The following LPA variants were observed in gnomAD, a reference collection of about 807,000 sequenced individuals.
LPA encodes the protein lipoprotein(a).
A neutral mutation model predicts 197.9 loss-of-function variants in LPA; 199 were observed. The ratio of observed to expected loss-of-function variants is 1.01; its 90% CI spans 0.90 to 1.13. The LOEUF is 1.13. Ranked by LOEUF, LPA falls within the 50% of genes most tolerant of loss-of-function variation. The probability of loss-of-function intolerance (pLI) is 0.00; values close to 1 mark genes in which losing one functional copy is unlikely to be tolerated. For missense variants in LPA, 1,853 were observed against 1,785.8 expected, an observed-to-expected ratio of 1.04 and a Z score of -0.68; for synonymous variants, 715 against 639.5, an observed-to-expected ratio of 1.12 and a Z score of -1.78.
At chr6:160,569,634 G>T (rs1446642214) in intron 28 of LPA, among the ~76,000 whole-genome samples, 1 of 152,072 alleles carries the variant, frequency 6.6e-6, no homozygotes, top group African/African-American at 2.4e-5. Context: ...TGACCAATGG[G>T]ATCTAATTAA....
At position 160,589,607 on chromosome 6, in the gene LPA, C is replaced by A; in HGVS notation, c.3893G>T (p.Trp1298Leu). 6.2e-7 allele frequency: 1 copy of A among 1,613,878 alleles called. No homozygotes were observed. Among genetic ancestry groups the A allele is most frequent in the Non-Finnish European group, 8.5e-7 (1 of 1,179,872 alleles). The change falls in exon 24 of 39, where the codon TGG becomes TTG. Residue 1298 changes from tryptophan to leucine, a missense_variant. Physicochemically the swap from Trp to Leu is moderately conservative, Grantham distance 61 (BLOSUM62 -2). Around this residue, in one of 3 missense-constraint regions of LPA, gnomAD observed 1,737 missense variants for 1,504.4 expected, o/e 1.15. Coordinates refer to ENST00000316300, the MANE Select transcript of LPA (RefSeq NM_005577.4). ...TTVTGRTCQS[W>L]SSMTPHWHQR... is the part of the protein sequence containing the mutation. ...ATGCCAGTGTGGTGTCATAGAGGAC[C>A]AAGACTGACATGTCCTTCCTGTAAC... is the stretch of plus-strand genomic sequence containing the variant.
rs181680322 is a variant in LPA at position 160,545,019 on chromosome 6, A to G, written c.5398+421T>C. Reference sequence around the variant, plus strand: ...TGGCCATCTGAGGTTTACAATGTGCATTACATGCTTAGCTGTTTCCTGCTG... The same window carrying G: ...TGGCCATCTGAGGTTTACAATGTGCGTTACATGCTTAGCTGTTTCCTGCTG... On this transcript the variant is annotated intron_variant, in intron 33 of 38. Coordinates refer to ENST00000316300, the MANE Select transcript of LPA (RefSeq NM_005577.4). Among the ~76,000 whole-genome samples the G allele has an allele frequency of 2.6e-5, 4 of 152,242 alleles. No homozygotes were observed. In the East Asian group the frequency reaches 5.8e-4, roughly 22 times the overall value.
At chr6:160,653,950 T>TG in intron 1 of LPA, among the ~76,000 whole-genome samples, 1 of 40,986 alleles carries the variant, frequency 2.4e-5, no homozygotes, top group African/African-American at 1.0e-4. Flanking sequence ...TTTATATATA[T>TG]TATATATAAT....
Position 160,603,038 on chromosome 6 carries a change from A to T in LPA, c.2946-1940T>A, listed in dbSNP as rs149043423. On this transcript the variant is annotated intron_variant, in intron 18 of 38. Coordinates refer to ENST00000316300, the MANE Select transcript of LPA (RefSeq NM_005577.4). ...TGGAAATTCCCTGTCTGATTCATTC[A>T]GCTTCTTGAATCTGTGGTTTTTAAT... Among the ~76,000 whole-genome samples the T allele has an allele frequency of 2.3e-3, 322 of 139,396 alleles. 2 individuals carry two copies. The highest frequency in any genetic ancestry group is 3.9e-3 in the Middle Eastern group (1 of 254). 91.4% of individuals were successfully genotyped at this position (139,396 alleles called of 152,430 possible).
At chr6:160,532,203 C>T (rs1225238490) in intron 38 of LPA, among the ~76,000 whole-genome samples, 1 of 152,102 alleles carries the variant, frequency 6.6e-6, no homozygotes, top group African/African-American at 2.4e-5. Flanking sequence ...TAATTTGTCT[C>T]GGTCCTGTAC....
chr6:160,576,811 G>A (rs990756152), intron 28 of LPA, among the ~76,000 whole-genome samples: 9 of 150,482 alleles, frequency 6.0e-5, no homozygotes, highest in South Asian at 2.1e-4. Flanking sequence ...AGAATTGCAC[G>A]AGTGAAAGAT....
intron 1 of LPA, among the ~76,000 whole-genome samples, chr6:160,660,213 C>T (rs1032827338): frequency 2.0e-5 from 3 of 152,178 alleles, no homozygotes; most frequent in Non-Finnish European, 2.9e-5. Flanking sequence ...AGGAATTTCT[C>T]CTTTGCCCTC....
At chr6:160,549,971 C>T (rs1778142073) in intron 30 of LPA, among the ~76,000 whole-genome samples, 1 of 152,218 alleles carries the variant, frequency 6.6e-6, no homozygotes, top group Non-Finnish European at 1.5e-5. Flanking sequence ...GCCTGTAATC[C>T]CAGCACTTTG....
At position 160,594,009 on chromosome 6, in the gene LPA, G is replaced by A. The variant is rs200561706; in HGVS notation, c.3578C>T (p.Ser1193Phe). Residue 1193 changes from serine (S) to phenylalanine (F), a missense_variant, in exon 22 of 39, where the codon TCC becomes TTC. This residue lies in a region of LPA where 1,737 missense variants were observed against 1,504.4 expected (regional missense o/e 1.15). Coordinates refer to ENST00000316300, the MANE Select transcript of LPA (RefSeq NM_005577.4). Reference protein sequence around the residue: ...TVTGRTCQSWSSMTPHWHQRT... With the variant: ...TVTGRTCQSWFSMTPHWHQRT... ...CTGATGCCAGTGTGGTGTCATAGAG[G>A]ACCAAGACTGACATGTCCTTCCTGT... 2.5e-4 allele frequency: 404 copies of A among 1,613,974 alleles called. No individual in the cohort carries two copies. The African/African-American group carries it at 4.3e-3, about 17-fold the overall frequency.
chr6:160,609,601 A>C (rs1779440519), intron 16 of LPA, among the ~76,000 whole-genome samples: 1 of 152,038 alleles, frequency 6.6e-6, no homozygotes. Context: ...CATAATTGAA[A>C]AGTTATCAGC....
At chr6:160,540,481 G>A (rs1305641178) in intron 35 of LPA, among the ~76,000 whole-genome samples, 1 of 152,210 alleles carries the variant, frequency 6.6e-6, no homozygotes, top group Non-Finnish European at 1.5e-5. Context: ...TCATAGAGGT[G>A]CATCCCTCTT....
chr6:160,641,130 C>A (rs1331478360), intron 4 of LPA, among the ~76,000 whole-genome samples: 1 of 129,612 alleles, frequency 7.7e-6, no homozygotes, highest in East Asian at 2.1e-4. Context: ...GGCCGAAAAA[C>A]GATCAGAGTA....
intron 28 of LPA, among the ~76,000 whole-genome samples, chr6:160,559,019 G>A (rs1778318359): frequency 6.6e-6 from 1 of 152,164 alleles, no homozygotes; most frequent in Non-Finnish European, 1.5e-5. Flanking sequence ...CCTTTTTACA[G>A]TTGAGATATA....
Position 160,562,311 on chromosome 6 carries a change from G to A in LPA, c.4632-4740C>T, listed in dbSNP as rs540850171. Among the ~76,000 whole-genome samples, 44 of 152,234 alleles carry A rather than the reference G, an allele frequency of 2.9e-4. 1 individual carries two copies. The highest frequency in any genetic ancestry group is 1.9e-4 in the East Asian group (1 of 5,186). On this transcript the variant is annotated intron_variant, in intron 28 of 38. Transcript: ENST00000316300. ...GAATTTTATCAAAGGCCTTTTCTGC[G>A]TCTATTGCGATAATCATACGGTTTT...
At chr6:160,584,560 G>A (rs972545332) in intron 26 of LPA, among the ~76,000 whole-genome samples, 8 of 151,934 alleles carry the variant, frequency 5.3e-5, no homozygotes, top group Admixed American at 5.3e-4. Flanking sequence ...TTGAACTCCT[G>A]ACCTCTGGTG....
intron 25 of LPA, among the ~76,000 whole-genome samples, chr6:160,586,013 T>G (rs894010305): frequency 1.3e-5 from 2 of 152,208 alleles, no homozygotes; most frequent in African/African-American, 4.8e-5. Context: ...GAAGACATGT[T>G]AGGTTTCTCA....
At chr6:160,656,145 C>T (rs1780128290) in intron 1 of LPA, among the ~76,000 whole-genome samples, 1 of 152,250 alleles carries the variant, frequency 6.6e-6, no homozygotes, top group Non-Finnish European at 1.5e-5. Flanking sequence ...CATCTGTCCT[C>T]TGCACAGGTC....
chr6:160,540,579 C>T (rs929684260), intron 35 of LPA, among the ~76,000 whole-genome samples: 3 of 152,130 alleles, frequency 2.0e-5, no homozygotes, highest in Admixed American at 6.5e-5. Context: ...TGTGCAGCAC[C>T]CCCACCCCAT....
chr6:160,599,493 G>C lies in LPA; in HGVS notation c.3287+7C>G. ...TCCTTCGCTTATGGTAAAGAACAAA[G>C]ACGTACGCATTTGGGTAGTTTTCTG... is the stretch of plus-strand genomic sequence containing the variant. On this transcript the variant is annotated splice_region_variant and intron_variant, in intron 20 of 38. Transcript: ENST00000316300. 1 of 1,613,344 alleles carries C rather than the reference G, an allele frequency of 6.2e-7. No individual in the cohort carries two copies. Among genetic ancestry groups the C allele is most frequent in the African/African-American group, 1.3e-5 (1 of 75,010 alleles).
Sources: allele counts gnomAD v4.1 joint callset (sites outside exome capture counted in the v4.1 genomes callset), GRCh38; gene constraint gnomAD v4.1.1; regional missense constraint gnomAD v4.1.1; transcripts MANE v1.5; gene names NCBI Gene and HGNC (gene_info 2026-07-23, HGNC 2026-07-21).